The following ZNF525 variants were observed in gnomAD, a reference collection of about 807,000 sequenced individuals.
ZNF525 encodes zinc finger protein 525.
A neutral mutation model predicts 37.6 loss-of-function variants in ZNF525; 33 were observed. The ratio of observed to expected loss-of-function variants is 0.88; its 90% confidence interval spans 0.67 to 1.17. The LOEUF (loss-of-function observed/expected upper bound fraction) is 1.17, where lower values mean the gene tolerates loss of function less well. Among genes scored for constraint, ZNF525 ranks in the 50% most tolerant of loss-of-function variants. ZNF525 has a pLI of 0.00. For missense variants in ZNF525, 449 were observed against 543.1 expected (o/e 0.83, Z 1.72); for synonymous variants, 170 against 182.3 (o/e 0.93, Z 0.54).
chr19:53,374,395 G>A (rs1323291070), intron 2 of ZNF525, among the ~76,000 whole-genome samples: 4 of 152,190 alleles, frequency 2.6e-5, no homozygotes, highest in East Asian at 3.8e-4. Flanking sequence ...ATGACAACAT[G>A]TGGGTCCTTT....
Position 53,383,578 on chromosome 19 carries a change from G to A in ZNF525, c.*1559G>A. On this transcript the variant is annotated 3_prime_UTR_variant, in exon 4 of 4. Transcript: ENST00000474037. ...GAGAGAAACCTTACAAGTGTAATGA[G>A]TGTGTCAAAGCCTTTAGTGGGCAGT... The A allele has an allele frequency of 6.9e-7, 1 of 1,450,494 alleles. No homozygotes were observed. The highest frequency in any genetic ancestry group is 9.3e-7 in the Non-Finnish European group (1 of 1,073,170). 89.9% of individuals were successfully genotyped at this position (1,450,494 alleles called of 1,614,324 possible).
At chr19:53,366,937 A>G (rs527277448) in intron 1 of ZNF525, among the ~76,000 whole-genome samples, 7,982 of 144,350 alleles carry the variant, frequency 0.055, 340 homozygotes, top group Middle Eastern at 0.11. Flanking sequence ...GCGGCTCAGC[A>G]GATTTACATC....
intron 2 of ZNF525, among the ~76,000 whole-genome samples, chr19:53,372,881 ATAAT>A (rs1312934867): frequency 6.6e-6 from 1 of 152,176 alleles, no homozygotes; most frequent in African/African-American, 2.4e-5. Flanking sequence ...ATCAACCTAA[ATAAT>A]AGCAGGAGAT....
At chr19:53,376,086 A>C (rs1452249044) in intron 3 of ZNF525, 190 bp downstream of exon 3, 1 of 1,241,936 alleles carries the variant, frequency 8.1e-7, no homozygotes, top group African/African-American at 1.5e-5. Context: ...GTAGTGGTAC[A>C]GGTGCATGCC....
In ZNF525 at chr19:53,381,013, A is replaced by G. The variant is rs779882333; in HGVS notation, c.434A>G (p.His145Arg). The G allele has an allele frequency of 2.5e-6, 4 of 1,586,414 alleles. No individual in the cohort carries two copies. Among genetic ancestry groups the G allele is most frequent in the Non-Finnish European group, 3.5e-6 (4 of 1,154,788 alleles). Residue 145 changes from histidine (H) to arginine (R), a missense_variant, in exon 4 of 4, where the codon CAT becomes CGT. Physicochemically the swap from His to Arg is conservative, Grantham distance 29 (BLOSUM62 0). Around this residue, in one of 2 missense-constraint regions of ZNF525, gnomAD observed 271 missense variants for 381.6 expected, o/e 0.71. Coordinates refer to ENST00000474037, the MANE Select transcript of ZNF525 (RefSeq NM_001348156.2). ...AAATATCAGCTTGGATCAAGCTTTC[A>G]TTCACATCTGTCTGAACTCCACATA... The part of the protein sequence containing the change: ...PIKYQLGSSF[H>R]SHLSELHIFQ...
rs1568766032 is a variant in ZNF525, at chr19:53,385,137, C to G, written c.*3118C>G. ...GAAATAACTGGCACTTGAATATCTA[C>G]ATTTTTTTAATATCCTCTTGAATAC... On this transcript the variant is annotated 3_prime_UTR_variant, in exon 4 of 4. Transcript: ENST00000474037. The G allele has an allele frequency of 1.9e-6, 1 of 519,660 alleles. No individual in the cohort carries two copies. Among genetic ancestry groups the G allele is most frequent in the East Asian group, 3.3e-5 (1 of 30,538 alleles). 32.2% of individuals were successfully genotyped at this position (519,660 alleles called of 1,614,324 possible).
intron 3 of ZNF525, among the ~76,000 whole-genome samples, chr19:53,378,627 G>A (rs970641342): frequency 4.6e-5 from 7 of 152,308 alleles, no homozygotes; most frequent in African/African-American, 1.7e-4. Flanking sequence ...CCAAGAGCAA[G>A]GTGCCAGCCA....
intron 1 of ZNF525, among the ~76,000 whole-genome samples, chr19:53,367,466 G>A (rs926932579): frequency 1.3e-5 from 2 of 152,172 alleles, no homozygotes; most frequent in African/African-American, 4.8e-5. Flanking sequence ...GCTATTAGCT[G>A]AGTGGTAGTC....
rs1476765811 is a variant in ZNF525 at position 53,385,311 on chromosome 19, A to G, written c.*3292A>G. On this transcript the variant is annotated 3_prime_UTR_variant, in exon 4 of 4. Transcript: ENST00000474037. ...AACAGGCTCTAGTTTGATGCCCTCA[A>G]AAGGATAAGACATGAGTATAAAAAG... 3 of 255,098 alleles carry G rather than the reference A, an allele frequency of 1.2e-5. No individual in the cohort carries two copies. The highest frequency in any genetic ancestry group is 2.2e-5 in the Non-Finnish European group (3 of 134,296). 15.8% of individuals were successfully genotyped at this position (255,098 alleles called of 1,614,324 possible).
At chr19:53,379,179 G>A (rs1301602728) in intron 3 of ZNF525, among the ~76,000 whole-genome samples, 1 of 152,060 alleles carries the variant, frequency 6.6e-6, no homozygotes, top group Non-Finnish European at 1.5e-5. Context: ...GCAGTGGTGG[G>A]ACCTTGGCTC....
chr19:53,382,972 A>C lies in ZNF525; in HGVS notation c.*953A>C. On this transcript the variant is annotated 3_prime_UTR_variant, in exon 4 of 4. Transcript: ENST00000474037. ...TAATTCATAAGGCAATTCATACTGG[A>C]GAGAAACCTTACAAGTGTAATGAAT... 6.6e-7 allele frequency: 1 copy of C among 1,520,230 alleles called. No homozygotes were observed. Among genetic ancestry groups the C allele is most frequent in the Non-Finnish European group, 9.1e-7 (1 of 1,101,672 alleles). 94.2% of individuals were successfully genotyped at this position (1,520,230 alleles called of 1,614,324 possible).
chr19:53,381,584 C>G lies in ZNF525; in HGVS notation c.1005C>G (p.Thr335=). 8.7e-7 allele frequency: 1 copy of G among 1,146,484 alleles called. No homozygotes were observed. Among genetic ancestry groups the G allele is most frequent in the South Asian group, 1.2e-5 (1 of 81,480 alleles). The allele number at this position is 1,146,484 out of a possible 1,614,324, so 71.0% of individuals were successfully genotyped here. ...KPHKCNECGK[T]FSQKSYLACH... is the part of the protein sequence containing the mutation. ...ATAAGTGTAATGAGTGTGGCAAGAC[C>G]TTTAGTCAGAAGTCATACCTTGCAT... is the stretch of plus-strand genomic sequence containing the variant. The change falls in exon 4 of 4, where the codon ACC becomes ACG. Residue 335 remains threonine, a synonymous_variant. Coordinates refer to ENST00000474037, the MANE Select transcript of ZNF525 (RefSeq NM_001348156.2).
At chr19:53,371,806 C>T (rs1489093141) in intron 1 of ZNF525, among the ~76,000 whole-genome samples, 2 of 152,070 alleles carry the variant, frequency 1.3e-5, no homozygotes, top group African/African-American at 2.4e-5. Flanking sequence ...CACCGCTATG[C>T]CTGGCTAAGT....
rs567983638 is a variant in ZNF525, at chr19:53,382,051, G to C, written c.*32G>C. 62 of 1,381,920 alleles carry C rather than the reference G, an allele frequency of 4.5e-5. No individual in the cohort carries two copies. In the East Asian group the frequency reaches 1.4e-3, roughly 31 times the overall value. The allele number at this position is 1,381,920 out of a possible 1,614,324, so 85.6% of individuals were successfully genotyped here. On this transcript the variant is annotated 3_prime_UTR_variant, in exon 4 of 4. Coordinates refer to ENST00000474037, the MANE Select transcript of ZNF525 (RefSeq NM_001348156.2). ...GAAATACGTCAGAAAATTCATACTG[G>C]AGAGAAATGTTATAAGTGTAATGAT...
intron 2 of ZNF525, among the ~76,000 whole-genome samples, chr19:53,374,650 C>T (rs1488170829): frequency 2.0e-5 from 3 of 152,180 alleles, no homozygotes; most frequent in African/African-American, 7.2e-5. Context: ...TATATTTTTA[C>T]AACCTGTATT....
chr19:53,371,145 C>G (rs1474423976), intron 1 of ZNF525, among the ~76,000 whole-genome samples: 1 of 151,652 alleles, frequency 6.6e-6, no homozygotes, highest in Non-Finnish European at 1.5e-5. Context: ...GCCCATCAGT[C>G]TCTATCACAT....
chr19:53,369,866 A>G (rs1482976140), intron 1 of ZNF525, among the ~76,000 whole-genome samples: 3 of 140,208 alleles, frequency 2.1e-5, no homozygotes, highest in Non-Finnish European at 3.1e-5. Context: ...CTGGGACTAC[A>G]GGCGCCCGCC....
At chr19:53,366,278 C>T (rs1391950953) in intron 1 of ZNF525, among the ~76,000 whole-genome samples, 1 of 113,868 alleles carries the variant, frequency 8.8e-6, no homozygotes, top group African/African-American at 2.5e-5. Flanking sequence ...ACAGCTTGCC[C>T]TGAGCCTGCG....
intron 2 of ZNF525, among the ~76,000 whole-genome samples, chr19:53,374,414 T>A (rs1424687503): frequency 6.6e-6 from 1 of 152,230 alleles, no homozygotes; most frequent in Non-Finnish European, 1.5e-5. Flanking sequence ...TTGTGATTTT[T>A]CCCTGTATAA....
Sources: gnomAD v4.1 joint callset for allele counts (sites outside exome capture counted in the v4.1 genomes callset) on GRCh38, gnomAD v4.1.1 for gene constraint, gnomAD v4.1.1 regional missense constraint, MANE v1.5 for transcripts, NCBI Gene and HGNC (gene_info 2026-07-23, HGNC 2026-07-21) for gene names.